CYFIP2: variants seen among roughly 807,000 people sequenced by gnomAD.
CYFIP2 encodes cytoplasmic FMR1 interacting protein 2.
Under a neutral mutation model 158.7 loss-of-function variants are expected in CYFIP2, and 29 were observed. That is an observed-to-expected ratio of 0.18 (90% CI 0.14 to 0.25). The LOEUF (loss-of-function observed/expected upper bound fraction) is 0.25. Among genes scored for constraint, CYFIP2 ranks in the 10% least tolerant of loss-of-function variants. The probability of loss-of-function intolerance (pLI) is 1.00; values close to 1 mark genes in which losing one functional copy is unlikely to be tolerated. For synonymous variants in CYFIP2, 585 were observed against 617.6 expected (o/e 0.95, Z 0.78); for missense variants, 852 against 1,639.5 (o/e 0.52, Z 8.29).
At chr5:157,347,110 G>A (rs751609924) in intron 23 of CYFIP2, among the ~76,000 whole-genome samples, 13 of 152,104 alleles carry the variant, frequency 8.5e-5, no homozygotes, top group Non-Finnish European at 1.3e-4. Flanking sequence ...TTGGTTCTTG[G>A]CCAAAGTATC....
Position 157,361,161 on chromosome 5 carries a change from G to A in CYFIP2, c.2909-307G>A, listed in dbSNP as rs1170933965. Among the ~76,000 whole-genome samples the A allele has an allele frequency of 1.3e-5, 2 of 152,172 alleles. No individual in the cohort carries two copies. Among genetic ancestry groups the A allele is most frequent in the African/African-American group, 4.8e-5 (2 of 41,454 alleles). The stretch of plus-strand genomic sequence containing the variant: ...TAAATATTAATTCCTGTCATGATTA[G>A]GAAGTCAGGCAACTTTGGAGGGACT... On this transcript the variant is annotated intron_variant, in intron 25 of 30. Transcript: ENST00000620254. This position sits in a 1 kb window ranked among gnomAD's most constrained non-coding sequence, Gnocchi z 4.4.
intron 26 of CYFIP2, among the ~76,000 whole-genome samples, chr5:157,380,485 T>C (rs1184296908): frequency 6.6e-6 from 1 of 152,216 alleles, no homozygotes; most frequent in Non-Finnish European, 1.5e-5. Context: ...TCTTTCACTG[T>C]CATAATGTCC....
rs77950153 is a variant in CYFIP2, at chr5:157,355,615, C to T, written c.2674-3390C>T. 1.0e-3 allele frequency among the ~76,000 whole-genome samples: 155 copies of T among 152,298 alleles called. 1 individual carries two copies. Among genetic ancestry groups the T allele is most frequent in the African/African-American group, 3.6e-3 (148 of 41,562 alleles). ...CCAAAGCCCATCCTATGGACTCAGACAAGCTAGAAAAGAAGTCAGAGAATC... is the reference window on the plus strand; with the variant it reads ...CCAAAGCCCATCCTATGGACTCAGATAAGCTAGAAAAGAAGTCAGAGAATC... On this transcript the variant is annotated intron_variant, in intron 23 of 30. Coordinates refer to ENST00000620254, the MANE Select transcript of CYFIP2 (RefSeq NM_001037333.3).
rs532541986 is a variant in CYFIP2, at chr5:157,319,333, T to A, written c.1357-429T>A. ...AAGGTTGTAAAAATTCTTTAGAAAA[T>A]TTTATGTTAAAAAAGTTCTATTTGA... is the stretch of plus-strand genomic sequence containing the variant. On this transcript the variant is annotated intron_variant, in intron 13 of 30. Coordinates refer to ENST00000620254, the MANE Select transcript of CYFIP2 (RefSeq NM_001037333.3). Among the ~76,000 whole-genome samples, 633 of 152,274 alleles carry A rather than the reference T, an allele frequency of 4.2e-3. 2 individuals are homozygous for A. The highest frequency in any genetic ancestry group is 0.027 in the Middle Eastern group (8 of 294).
intron 26 of CYFIP2, among the ~76,000 whole-genome samples, chr5:157,377,747 A>G (rs1392712393): frequency 2.6e-5 from 4 of 152,214 alleles, no homozygotes; most frequent in Non-Finnish European, 5.9e-5. Flanking sequence ...TCTAGATCCT[A>G]TTATACACAT....
At chr5:157,390,981 A>C (rs1014032173) in intron 30 of CYFIP2, among the ~76,000 whole-genome samples, 3 of 152,124 alleles carry the variant, frequency 2.0e-5, no homozygotes, top group African/African-American at 7.2e-5. Context: ...CAAATACCAG[A>C]GTTGTACGGG....
chr5:157,369,415 A>G (rs372203993), intron 26 of CYFIP2, among the ~76,000 whole-genome samples: 14 of 152,202 alleles, frequency 9.2e-5, no homozygotes, highest in African/African-American at 3.4e-4. Flanking sequence ...AAGATTTCCC[A>G]GGTAAAGGTC....
intron 9 of CYFIP2, 151 bp from the exon 10 acceptor site, chr5:157,309,592 C>T: frequency 3.0e-6 from 2 of 669,754 alleles, no homozygotes; most frequent in South Asian, 3.6e-5. Context: ...CGTTTGGCTT[C>T]AGAGTCACAT....
intron 13 of CYFIP2, among the ~76,000 whole-genome samples, chr5:157,316,902 T>C (rs1760192970): frequency 6.6e-6 from 1 of 152,162 alleles, no homozygotes; most frequent in African/African-American, 2.4e-5. Context: ...CATAATTTCA[T>C]AATCACACTT....
intron 5 of CYFIP2, among the ~76,000 whole-genome samples, chr5:157,299,331 C>T (rs62383011): frequency 0.11 from 17,292 of 152,094 alleles, 1,450 homozygotes; most frequent in East Asian, 0.26. Flanking sequence ...TTCCTGTACT[C>T]GCTCCGCTTC....
intron 1 of CYFIP2, among the ~76,000 whole-genome samples, chr5:157,283,494 C>T (rs1024906414): frequency 1.3e-5 from 2 of 151,928 alleles, no homozygotes; most frequent in Admixed American, 6.6e-5. Context: ...GAACTGAATG[C>T]CACACTTAGA....
At chr5:157,340,946 A>G in intron 22 of CYFIP2, 124 bp from the exon 23 acceptor site, 2 of 818,210 alleles carry the variant, frequency 2.4e-6, no homozygotes, top group Non-Finnish European at 4.1e-6. Context: ...CAACCACCTA[A>G]CAAACAGTGC....
intron 30 of CYFIP2, among the ~76,000 whole-genome samples, chr5:157,391,295 TA>T: frequency 6.6e-6 from 1 of 152,134 alleles, no homozygotes; most frequent in Admixed American, 6.5e-5. Flanking sequence ...AGGGCTTTTT[TA>T]AAAAATACAC....
At chr5:157,347,512 G>C (rs750738829) in intron 23 of CYFIP2, among the ~76,000 whole-genome samples, 1 of 152,100 alleles carries the variant, frequency 6.6e-6, no homozygotes, top group Non-Finnish European at 1.5e-5. Context: ...CTTCCCATGC[G>C]AGCACAGCCA....
intron 26 of CYFIP2, chr5:157,365,529 T>C (rs1412929248): frequency 1.3e-5 from 2 of 152,110 alleles, no homozygotes; most frequent in African/African-American, 4.8e-5. Flanking sequence ...TTTTGGTTTT[T>C]ATAGGGTGTT....
chr5:157,275,304 G>A (rs983734127), intron 1 of CYFIP2, among the ~76,000 whole-genome samples: 4 of 152,046 alleles, frequency 2.6e-5, no homozygotes, highest in African/African-American at 7.2e-5. Context: ...ATAGATCTTT[G>A]ATCCATTTTG....
intron 26 of CYFIP2, among the ~76,000 whole-genome samples, chr5:157,380,467 G>T (rs1338941591): frequency 6.6e-6 from 1 of 152,176 alleles, no homozygotes; most frequent in South Asian, 2.1e-4. Context: ...GGTTCATTAG[G>T]TCTGATTTCT....
Position 157,304,207 on chromosome 5 carries a change from T to C in CYFIP2, c.667-31T>C, listed in dbSNP as rs115180396. 4,586 of 1,601,980 alleles carry C rather than the reference T, an allele frequency of 2.9e-3. 129 individuals carry two copies. In the African/African-American group the frequency reaches 0.054, roughly 19 times the overall value. On this transcript the variant is annotated intron_variant, in intron 7 of 30. Coordinates refer to ENST00000620254, the MANE Select transcript of CYFIP2 (RefSeq NM_001037333.3). ...AGGTGAGGGCACAGGATACATGCGC[T>C]GCCTAACCTGAGGGTGGCGCTGCTG...
intron 1 of CYFIP2, among the ~76,000 whole-genome samples, chr5:157,268,790 G>A (rs1431100696): frequency 1.3e-5 from 2 of 152,162 alleles, no homozygotes; most frequent in African/African-American, 4.8e-5. Flanking sequence ...AAGGCTTTTG[G>A]TCCTGTCATT....
Sources: allele counts gnomAD v4.1 joint callset (sites outside exome capture counted in the v4.1 genomes callset), GRCh38; gene constraint gnomAD v4.1.1; non-coding constraint Gnocchi (gnomAD v3.1); transcripts MANE v1.5; gene names NCBI Gene and HGNC (gene_info 2026-07-23, HGNC 2026-07-21).